STOX2: variants seen among roughly 807,000 people sequenced by gnomAD.
STOX2 encodes storkhead box 2.
A neutral mutation model predicts 60.9 loss-of-function variants in STOX2; 28 were observed. The ratio of observed to expected loss-of-function variants is 0.46; its 90% CI spans 0.34 to 0.63. The LOEUF is 0.63. Among genes scored for constraint, STOX2 ranks in the 30% least tolerant of loss-of-function variants. The pLI, the probability that STOX2 is intolerant of heterozygous loss-of-function variation, is 0.01. For synonymous variants in STOX2, 472 were observed against 463.9 expected, an observed-to-expected ratio of 1.02 and a Z score of -0.22; for missense variants, 1,024 against 1,187.7, an observed-to-expected ratio of 0.86 and a Z score of 2.03.
At chr4:183,904,119 C>T (rs1027934387), upstream of STOX2, among the ~76,000 whole-genome samples, 6 of 152,148 alleles carry the variant, frequency 3.9e-5, no homozygotes, top group Admixed American at 2.6e-4. Flanking sequence ...CAATAGGGTT[C>T]GTGCTCCTGT....
At chr4:183,859,918 ATT>A in intron 1 of STOX2, among the ~76,000 whole-genome samples, 2 of 34,436 alleles carry the variant, frequency 5.8e-5, no homozygotes, top group African/African-American at 1.6e-4. Flanking sequence ...TTACTGACAG[ATT>A]AGATTAGATT....
In STOX2 at chr4:184,017,396, T is replaced by A; in HGVS notation, c.*112T>A. On this transcript the variant is annotated 3_prime_UTR_variant, in exon 4 of 4. Transcript: ENST00000308497. ...AGCATCTCAACCACAGTTTTTGTGT[T>A]TACTTAAACTGTGCTGCTAAGTAGG... The A allele has an allele frequency of 8.9e-7, 1 of 1,121,656 alleles. No individual in the cohort carries two copies. 69.5% of individuals were successfully genotyped at this position (1,121,656 alleles called of 1,614,324 possible).
intron 1 of STOX2, among the ~76,000 whole-genome samples, chr4:183,844,574 A>T (rs1162511562): frequency 2.0e-5 from 3 of 152,176 alleles, no homozygotes; most frequent in Non-Finnish European, 4.4e-5. Flanking sequence ...TACCTCAGGG[A>T]TATCAAAAAA....
At chr4:183,940,583 T>C (rs1000135121) in intron 1 of STOX2, among the ~76,000 whole-genome samples, 1 of 152,144 alleles carries the variant, frequency 6.6e-6, no homozygotes, top group African/African-American at 2.4e-5. Flanking sequence ...ACAAAGATGT[T>C]GTCATCAAAG....
At chr4:183,910,714 C>T (rs924006121) in intron 1 of STOX2, among the ~76,000 whole-genome samples, 7 of 152,236 alleles carry the variant, frequency 4.6e-5, no homozygotes, top group Admixed American at 2.6e-4. Flanking sequence ...TTGATAACAT[C>T]TTTAAGGAGT....
At chr4:183,894,263 G>A (rs1223665776) in intron 1 of STOX2, among the ~76,000 whole-genome samples, 4 of 152,196 alleles carry the variant, frequency 2.6e-5, no homozygotes, top group Non-Finnish European at 5.9e-5. Flanking sequence ...CTAATCCTCT[G>A]TGCTTGAAAC....
At chr4:183,950,987 G>A (rs371829426) in intron 1 of STOX2, among the ~76,000 whole-genome samples, 21 of 151,916 alleles carry the variant, frequency 1.4e-4, no homozygotes, top group African/African-American at 4.1e-4. Context: ...AGGCCGAGGC[G>A]GGCGGATCAC....
intron 1 of STOX2, among the ~76,000 whole-genome samples, chr4:183,954,716 T>C (rs1743197128): frequency 6.6e-6 from 1 of 152,166 alleles, no homozygotes; most frequent in African/African-American, 2.4e-5. Context: ...AATTGCCTGA[T>C]CGCTTCCCCA....
At chr4:183,870,817 C>T (rs1740671521) in intron 1 of STOX2, among the ~76,000 whole-genome samples, 1 of 152,082 alleles carries the variant, frequency 6.6e-6, no homozygotes, top group Non-Finnish European at 1.5e-5. Flanking sequence ...TATAAGAACC[C>T]CATTTGTTGT....
chr4:183,818,694 T>G (rs1165597568), intron 1 of STOX2, among the ~76,000 whole-genome samples: 1 of 151,074 alleles, frequency 6.6e-6, no homozygotes, highest in Admixed American at 6.6e-5. Flanking sequence ...GCCCCCCACC[T>G]CCCGGACGGG....
At chr4:183,996,213 T>C (rs1424992374) in intron 1 of STOX2, among the ~76,000 whole-genome samples, 1 of 152,220 alleles carries the variant, frequency 6.6e-6, no homozygotes, top group Non-Finnish European at 1.5e-5. Context: ...CTTAAATGGA[T>C]GTTTGTAAGA....
At chr4:183,918,581 G>A (rs1021985424) in intron 1 of STOX2, among the ~76,000 whole-genome samples, 7 of 152,238 alleles carry the variant, frequency 4.6e-5, no homozygotes, top group African/African-American at 1.4e-4. Context: ...GCTGTGAAGC[G>A]AAGGGACATC....
At position 183,906,635 on chromosome 4, in the gene STOX2, G is replaced by A. The variant is rs549465745; in HGVS notation, c.-156G>A. ...GGTGTGGGGGGGCGTGGGGAGGGCC[G>A]GACCCGCCGCTGGCGGTGTAGACGC... On this transcript the variant is annotated 5_prime_UTR_variant, in exon 1 of 4. Coordinates refer to ENST00000308497, the MANE Select transcript of STOX2 (RefSeq NM_020225.3). 2.9e-4 allele frequency: 228 copies of A among 799,702 alleles called. No individual in the cohort carries two copies. The East Asian group carries it at 5.2e-3, about 18-fold the overall frequency. 49.5% of individuals were successfully genotyped at this position (799,702 alleles called of 1,614,324 possible).
chr4:184,014,158 CTT>C (rs1328985425), intron 3 of STOX2: 2 of 149,964 alleles, frequency 1.3e-5, no homozygotes, highest in Admixed American at 6.6e-5. Context: ...CAAAAAGTGA[CTT>C]TTCTCCACAC....
At chr4:183,975,455 T>G (rs1732411755) in intron 1 of STOX2, among the ~76,000 whole-genome samples, 1 of 152,042 alleles carries the variant, frequency 6.6e-6, no homozygotes, top group Non-Finnish European at 1.5e-5. Flanking sequence ...GACAAGGAAA[T>G]ATGACATAAA....
chr4:183,860,678 T>G (rs1393105383), intron 1 of STOX2, among the ~76,000 whole-genome samples: 1 of 152,140 alleles, frequency 6.6e-6, no homozygotes, highest in Non-Finnish European at 1.5e-5. Context: ...CTATTCAGAG[T>G]AACTTAAGGA....
At chr4:183,881,945 G>C (rs926148852) in intron 1 of STOX2, among the ~76,000 whole-genome samples, 1 of 152,138 alleles carries the variant, frequency 6.6e-6, no homozygotes, top group Non-Finnish European at 1.5e-5. Context: ...AACGTATTTC[G>C]ACTGGTTTGA....
intron 1 of STOX2, among the ~76,000 whole-genome samples, chr4:183,860,268 C>G (rs1417601443): frequency 6.6e-6 from 1 of 151,796 alleles, no homozygotes; most frequent in Non-Finnish European, 1.5e-5. Flanking sequence ...CATCATTATA[C>G]AGAAAAGGAA....
chr4:183,940,267 C>T (rs771906355), intron 1 of STOX2, among the ~76,000 whole-genome samples: 4 of 152,174 alleles, frequency 2.6e-5, no homozygotes, highest in Admixed American at 2.6e-4. Flanking sequence ...TGGTATCTTT[C>T]GTGCCTCACG....
Sources: gnomAD v4.1 joint callset for allele counts (sites outside exome capture counted in the v4.1 genomes callset) on GRCh38, gnomAD v4.1.1 for gene constraint, MANE v1.5 for transcripts, NCBI Gene and HGNC (gene_info 2026-07-23, HGNC 2026-07-21) for gene names.